COL17A1: variants seen among roughly 807,000 people sequenced by gnomAD.
COL17A1 encodes collagen type XVII alpha 1 chain.
A neutral mutation model predicts 218.4 loss-of-function variants in COL17A1; 181 were observed. That is an observed-to-expected ratio of 0.83 (90% confidence interval 0.73 to 0.94). The LOEUF is 0.94. COL17A1 is among the 40% of genes least tolerant of loss of function. COL17A1 has a pLI of 0.00. For missense variants in COL17A1, 1,924 were observed against 1,945.9 expected, an observed-to-expected ratio of 0.99 and a Z score of 0.21; for synonymous variants, 721 against 731.0, an observed-to-expected ratio of 0.99 and a Z score of 0.22.
chr10:104,076,754 T>A (rs2086714556), intron 4 of COL17A1, among the ~76,000 whole-genome samples: 1 of 152,362 alleles, frequency 6.6e-6, no homozygotes, highest in Admixed American at 6.5e-5. Context: ...GTGTTTCTTT[T>A]GGTCAACCTG....
At chr10:104,035,618 C>CAG (rs1203451809) in intron 48 of COL17A1, 55 bp from the exon 49 acceptor site, 1 of 1,390,662 alleles carries the variant, frequency 7.2e-7, no homozygotes, top group African/African-American at 1.4e-5. Context: ...AAACACCTGT[C>CAG]AGAGAGGAGG....
chr10:104,045,917 C>T (rs115774586), intron 32 of COL17A1, 124 bp from the exon 33 acceptor site: 1 of 830,630 alleles, frequency 1.2e-6, no homozygotes, highest in Non-Finnish European at 2.1e-6. Flanking sequence ...TGGGACGCAC[C>T]AGCTTTGCCT....
rs745998179 is a variant in COL17A1 at position 104,038,489 on chromosome 10, C to G, written c.2987G>C (p.Gly996Ala). Residue 996 changes from glycine to alanine, a missense_variant, in exon 45 of 56, where the codon GGG (glycine) becomes GCG (alanine). Coordinates refer to ENST00000648076, the MANE Select transcript of COL17A1 (RefSeq NM_000494.4). ...CGGAGGCCCAGGGGGCCCAGGGGGC[C>G]CTGGCGGGCCTGACACGTACATGGT... Reference protein sequence around the residue: ...SSTMYVSGPPGPPGPPGPPGS... With the variant: ...SSTMYVSGPPAPPGPPGPPGS... The G allele has an allele frequency of 3.1e-6, 5 of 1,613,768 alleles. No individual in the cohort carries two copies. Among genetic ancestry groups the G allele is most frequent in the Admixed American group, 3.3e-5 (2 of 60,030 alleles).
At chr10:104,036,222 GTGTGTA>G in intron 48 of COL17A1, among the ~76,000 whole-genome samples, 2 of 152,062 alleles carry the variant, frequency 1.3e-5, no homozygotes, top group Non-Finnish European at 2.9e-5. Flanking sequence ...GTATGGGTGT[GTGTGTA>G]TGGGAGTGTG....
chr10:104,046,641 T>G, intron 32 of COL17A1, 106 bp downstream of exon 32: 1 of 1,066,498 alleles, frequency 9.4e-7, no homozygotes, highest in Non-Finnish European at 1.5e-6. Flanking sequence ...TGCCAGGGAG[T>G]TGGTGGAGGA....
intron 32 of COL17A1, among the ~76,000 whole-genome samples, chr10:104,046,187 A>G (rs939851212): frequency 6.6e-6 from 1 of 152,218 alleles, no homozygotes; most frequent in African/African-American, 2.4e-5. Flanking sequence ...CTCCTCTGTA[A>G]GAGCATTGGA....
At chr10:104,039,192 T>A in intron 43 of COL17A1, 71 bp from the exon 44 acceptor site, 7 of 1,440,466 alleles carry the variant, frequency 4.9e-6, no homozygotes, top group Non-Finnish European at 5.9e-6. Context: ...AAACCACACT[T>A]ATTAGTGTGT....
Position 104,063,703 on chromosome 10 carries a change from A to G in COL17A1, c.838+44T>C, listed in dbSNP as rs577373651. 5.5e-5 allele frequency: 88 copies of G among 1,613,274 alleles called. 1 individual carries two copies. The South Asian group carries it at 8.6e-4, about 16-fold the overall frequency. The stretch of plus-strand genomic sequence containing the variant: ...TTGGGTGAAGCATCCTAACACTTCT[A>G]TGCAAATAGCCTGGAAAAGTCATCT... On this transcript the variant is annotated intron_variant, in intron 11 of 55. Coordinates refer to ENST00000648076, the MANE Select transcript of COL17A1 (RefSeq NM_000494.4).
At chr10:104,063,953 A>G in intron 10 of COL17A1, 135 bp from the exon 11 acceptor site, 2 of 1,252,252 alleles carry the variant, frequency 1.6e-6, no homozygotes, top group East Asian at 2.5e-5. Context: ...GTTTTTAGGA[A>G]AAACAGGCTC....
chr10:104,050,590 G>C, intron 27 of COL17A1, 31 bp downstream of exon 27: 1 of 1,612,628 alleles, frequency 6.2e-7, no homozygotes, highest in Non-Finnish European at 8.5e-7. Context: ...GGCAGGCCCT[G>C]GTAATGACAG....
At chr10:104,066,115 T>G (rs2086624070) in intron 9 of COL17A1, among the ~76,000 whole-genome samples, 1 of 152,190 alleles carries the variant, frequency 6.6e-6, no homozygotes, top group African/African-American at 2.4e-5. Flanking sequence ...CATTTTTGTC[T>G]GTTCTTATCA....
Position 104,070,425 on chromosome 10 carries a change from C to G in COL17A1, c.607+1G>C, listed in dbSNP as rs111285964. The G allele has an allele frequency of 6.2e-7, 1 of 1,613,368 alleles. No individual in the cohort carries two copies. Among genetic ancestry groups the G allele is most frequent in the Non-Finnish European group, 8.5e-7 (1 of 1,180,024 alleles). ...TCGGCAGCCTGGGCTGTCAGACTTA[C>G]CCGACTGGGAGCTCGCTGTCACAAT... On this transcript the variant is annotated splice_donor_variant, in intron 9 of 55. Transcript: ENST00000648076. LOFTEE classifies it high-confidence loss of function.
In COL17A1 at chr10:104,031,982, A is replaced by G; in HGVS notation, c.*253T>C. The stretch of plus-strand genomic sequence containing the variant: ...CAAGGAGTTCAGATCTAGATAGCAG[A>G]GAAGTAAGTCTCATTCTAAAACATT... On this transcript the variant is annotated 3_prime_UTR_variant, in exon 56 of 56. Transcript: ENST00000648076. The G allele has an allele frequency of 1.7e-6, 1 of 580,396 alleles. No homozygotes were observed. The highest frequency in any genetic ancestry group is 2.9e-5 in the East Asian group (1 of 34,742). The allele number at this position is 580,396 out of a possible 1,614,324, so 36.0% of individuals were successfully genotyped here. A position where few individuals can be genotyped will look rare whatever the true frequency, so the allele number is the denominator to read the frequency against.
chr10:104,083,296 C>G (rs566606419), intron 1 of COL17A1, among the ~76,000 whole-genome samples: 2 of 152,262 alleles, frequency 1.3e-5, no homozygotes, highest in East Asian at 3.9e-4. Flanking sequence ...CCTGCCTATC[C>G]TAGCAGGATT....
At position 104,032,471 on chromosome 10, in the gene COL17A1, C is replaced by G. The variant is rs537205346; in HGVS notation, c.4439-181G>C. Among the ~76,000 whole-genome samples the G allele has an allele frequency of 5.3e-5, 8 of 152,378 alleles. No individual in the cohort carries two copies. In the South Asian group the frequency reaches 1.4e-3, roughly 28 times the overall value. ...CAACACCAGCTTGGTTCTCCTTTTC[C>G]TCCCTGCTTTGACACTCTCCTTTTC... On this transcript the variant is annotated intron_variant, in intron 55 of 55. Transcript: ENST00000648076.
At chr10:104,071,940 GCA>G (rs1207092806) in intron 8 of COL17A1, 90 bp downstream of exon 8, 27 of 1,552,108 alleles carry the variant, frequency 1.7e-5, no homozygotes, top group East Asian at 2.3e-5. Flanking sequence ...GTGCATGCAT[GCA>G]CACACACACG....
chr10:104,055,325 C>G, intron 19 of COL17A1, 47 bp downstream of exon 19: 1 of 1,613,980 alleles, frequency 6.2e-7, no homozygotes, highest in Non-Finnish European at 8.5e-7. Context: ...AACTCACTTC[C>G]AACTGCAGGA....
intron 40 of COL17A1, 151 bp downstream of exon 40, chr10:104,040,200 T>C: frequency 2.2e-6 from 2 of 902,342 alleles, no homozygotes; most frequent in Admixed American, 1.7e-5. Context: ...CCCCTCTACC[T>C]TTGCTCCAGG....
At chr10:104,058,405 G>A (rs946808461) in intron 15 of COL17A1, among the ~76,000 whole-genome samples, 39 of 152,198 alleles carry the variant, frequency 2.6e-4, no homozygotes, top group African/African-American at 8.2e-4. Context: ...GTGGAAGAAA[G>A]CACTATGTTT....
Sources: allele counts gnomAD v4.1 joint callset (sites outside exome capture counted in the v4.1 genomes callset), GRCh38; gene constraint gnomAD v4.1.1; transcripts MANE v1.5; gene names NCBI Gene and HGNC (gene_info 2026-07-23, HGNC 2026-07-21).